Variants in ARAP2 observed in about 807,000 individuals in gnomAD.
The protein encoded by ARAP2 is ArfGAP with RhoGAP domain, ankyrin repeat and PH domain 2, also known as arf-GAP with Rho-GAP domain, ANK repeat and PH domain-containing protein 2.
ARAP2 carries 148 observed loss-of-function variants against 194.5 expected under a neutral mutation model. The ratio of observed to expected loss-of-function variants is 0.76; its 90% CI spans 0.67 to 0.87. The LOEUF is 0.87. Among genes scored for constraint, ARAP2 ranks in the 40% least tolerant of loss-of-function variants. The pLI, the probability that ARAP2 is intolerant of heterozygous loss-of-function variation, is 0.00. For missense variants in ARAP2, 2,128 were observed against 1,989.7 expected (o/e 1.07, Z -1.32); for synonymous variants, 695 against 683.5 (o/e 1.02, Z -0.26).
intron 20 of ARAP2, 145 bp downstream of exon 20, chr4:36,133,081 T>C (rs994493977): frequency 1.4e-6 from 1 of 736,774 alleles, no homozygotes; most frequent in East Asian, 2.9e-5. Context: ...GGTAATTAGC[T>C]GAACAGTAAA....
At chr4:36,159,697 A>G (rs550964779) in intron 13 of ARAP2, 192 bp from the exon 14 acceptor site, 7 of 421,044 alleles carry the variant, frequency 1.7e-5, no homozygotes, top group East Asian at 4.0e-5. Context: ...TTTAAATTAC[A>G]ACCCAAGACC....
chr4:36,071,605 T>C (rs1726916218), intron 32 of ARAP2, among the ~76,000 whole-genome samples: 1 of 152,128 alleles, frequency 6.6e-6, no homozygotes, highest in African/African-American at 2.4e-5. Flanking sequence ...ACAACTTCTT[T>C]GAAAAATAAT....
At position 36,212,402 on chromosome 4, in the gene ARAP2, T is replaced by C. The variant is rs763804436; in HGVS notation, c.1127A>G (p.Lys376Arg). ...AATATNSFII[K>R]SSIYDNRKEK... ...ATCAATCATGATCTCATACCTTGAT[T>C]TGATGATAAAAGAGTTTGTTGCAGT... The change falls in exon 5 of 33, where the codon AAA becomes AGA. Residue 376 changes from lysine (K) to arginine (R), a missense_variant. Lys to Arg is a conservative substitution (Grantham distance 26). Transcript: ENST00000303965. The C allele has an allele frequency of 1.6e-5, 25 of 1,609,248 alleles. 1 individual carries two copies. In the South Asian group the frequency reaches 2.3e-4, roughly 15 times the overall value.
At chr4:36,042,393 A>G (rs1057300039) in intron 5 of ARAP2, among the ~76,000 whole-genome samples, 1 of 152,218 alleles carries the variant, frequency 6.6e-6, no homozygotes, top group Non-Finnish European at 1.5e-5. Context: ...GGGCGGAAAG[A>G]TCATTAAAAT....
At chr4:36,225,232 G>A (rs1215932869) in intron 2 of ARAP2, among the ~76,000 whole-genome samples, 1 of 152,070 alleles carries the variant, frequency 6.6e-6, no homozygotes, top group African/African-American at 2.4e-5. Context: ...AACATTCAGA[G>A]GCACTACACC....
chr4:36,159,358 C>T lies in ARAP2; in HGVS notation c.2590G>A (p.Glu864Lys). Residue 864 changes from glutamate to lysine, a missense_variant, in exon 14 of 33, where the codon GAA becomes AAA. Transcript: ENST00000303965. ...GAGAATTTGTTATGGTAGAGAAATTCCATTTGCAGACTTTGCCCAGCTTTC... is the reference window on the plus strand; with the variant it reads ...GAGAATTTGTTATGGTAGAGAAATTTCATTTGCAGACTTTGCCCAGCTTTC... ...AKKAGQSLQM[E>K]FLYHNKFSDF... is the part of the protein sequence containing the mutation. The T allele has an allele frequency of 6.2e-7, 1 of 1,606,088 alleles. No homozygotes were observed.
In ARAP2 at chr4:36,187,560, C is replaced by A; in HGVS notation, c.1569G>T (p.Ser523=). 1.9e-6 allele frequency: 3 copies of A among 1,555,598 alleles called. No individual in the cohort carries two copies. The highest frequency in any genetic ancestry group is 2.6e-5 in the South Asian group (2 of 78,260). ...TAGCAGAAAGGGGAATTATTCCTTT[C>A]GAATACATCTCCTGTATTGGTTAGA... The part of the protein sequence containing the change: ...SYYNNEKEMY[S]KGIIPLSAIS... Residue 523 remains serine, a synonymous_variant, in exon 8 of 33, where the codon TCG becomes TCT. Transcript: ENST00000303965.
At chr4:36,070,179 A>T (rs1157138413) in intron 32 of ARAP2, among the ~76,000 whole-genome samples, 1 of 152,188 alleles carries the variant, frequency 6.6e-6, no homozygotes, top group Non-Finnish European at 1.5e-5. Flanking sequence ...ATGTAACCTT[A>T]AATGAAGGTG....
At chr4:36,022,095 A>G (rs1383554638) in intron 5 of ARAP2, among the ~76,000 whole-genome samples, 3 of 152,176 alleles carry the variant, frequency 2.0e-5, no homozygotes, top group African/African-American at 7.2e-5. Context: ...ATGGTTCAGC[A>G]AAAATATGTA....
At chr4:36,109,459 AC>A (rs1719266526) in intron 26 of ARAP2, among the ~76,000 whole-genome samples, 3 of 151,934 alleles carry the variant, frequency 2.0e-5, no homozygotes, top group Non-Finnish European at 4.4e-5. Flanking sequence ...AATCAAAAAA[AC>A]ATATTAACAG....
At chr4:36,127,466 T>C (rs900446575) in intron 21 of ARAP2, among the ~76,000 whole-genome samples, 1 of 152,038 alleles carries the variant, frequency 6.6e-6, no homozygotes, top group Non-Finnish European at 1.5e-5. Flanking sequence ...GGGTCATTCT[T>C]GGGATAATTT....
intron 28 of ARAP2, 34 bp from the exon 29 acceptor site, chr4:36,083,484 G>A: frequency 1.5e-6 from 2 of 1,379,110 alleles, no homozygotes; most frequent in Non-Finnish European, 2.0e-6. Context: ...TAATTAAATG[G>A]ATTTACACAT....
intron 2 of ARAP2, among the ~76,000 whole-genome samples, chr4:36,216,312 T>C (rs1244725956): frequency 6.6e-6 from 1 of 152,198 alleles, no homozygotes; most frequent in African/African-American, 2.4e-5. Context: ...TCACAAAATA[T>C]ATGAATGTGT....
intron 1 of ARAP2, among the ~76,000 whole-genome samples, chr4:36,236,714 A>G (rs1205077122): frequency 7.2e-5 from 11 of 152,248 alleles, no homozygotes; most frequent in Non-Finnish European, 1.5e-4. Context: ...GTGGTTCCCA[A>G]TGGATTGGAA....
At chr4:36,141,231 A>G (rs945642148) in intron 19 of ARAP2, among the ~76,000 whole-genome samples, 5 of 151,632 alleles carry the variant, frequency 3.3e-5, no homozygotes, top group Non-Finnish European at 5.9e-5. Context: ...ATATTTGACA[A>G]TATTATTTTT....
downstream of ARAP2, among the ~76,000 whole-genome samples, chr4:36,061,529 C>T (rs193196728): frequency 1.6e-4 from 25 of 152,246 alleles, no homozygotes; most frequent in Admixed American, 6.5e-4. Context: ...ATGAATCGCA[C>T]GCCATTGTGT....
intron 10 of ARAP2, 129 bp from the exon 11 acceptor site, chr4:36,165,242 C>A: frequency 1.3e-6 from 1 of 783,266 alleles, no homozygotes; most frequent in East Asian, 2.7e-5. Context: ...CTAGGCAGTT[C>A]TGGGTTGTCT....
chr4:36,159,615 T>C (rs1222551788), intron 13 of ARAP2, 110 bp from the exon 14 acceptor site: 1 of 984,868 alleles, frequency 1.0e-6, no homozygotes, highest in African/African-American at 1.7e-5. Flanking sequence ...TGTATTCCTT[T>C]TATCCTAAGG....
chr4:36,080,849 A>G (rs754185177), intron 30 of ARAP2, among the ~76,000 whole-genome samples: 1 of 152,194 alleles, frequency 6.6e-6, no homozygotes, highest in Non-Finnish European at 1.5e-5. Context: ...CCTGTAGTCT[A>G]TTAGGGGAGC....
Sources: gnomAD v4.1 joint callset for allele counts (sites outside exome capture counted in the v4.1 genomes callset) on GRCh38, gnomAD v4.1.1 for gene constraint, MANE v1.5 for transcripts, NCBI Gene and HGNC (gene_info 2026-07-23, HGNC 2026-07-21) for gene names.